Variants in TTLL11 observed in about 807,000 individuals in gnomAD.
TTLL11 encodes tubulin polyglutamylase TTLL11.
TTLL11 carries 42 observed loss-of-function variants against 51.7 expected under a neutral mutation model. That is an observed-to-expected ratio of 0.81 (90% CI 0.64 to 1.05). The LOEUF (loss-of-function observed/expected upper bound fraction) is 1.05, where lower values mean the gene tolerates loss of function less well. Among genes scored for constraint, TTLL11 ranks in the 50% least tolerant of loss-of-function variants. The probability of loss-of-function intolerance (pLI) is 0.00; values close to 1 mark genes in which losing one functional copy is unlikely to be tolerated. For synonymous variants in TTLL11, 381 were observed against 383.5 expected (o/e 0.99, Z 0.08); for missense variants, 799 against 940.4 (o/e 0.85, Z 1.97).
In TTLL11 at chr9:121,990,874, C is replaced by T. The variant is rs533866110; in HGVS notation, c.694-1104G>A. ...CAGGCACTTGACCAGTCCAGATAGTCGATCTGGACCTGTGGGTCTGCATAA... is the reference window on the plus strand; with the variant it reads ...CAGGCACTTGACCAGTCCAGATAGTTGATCTGGACCTGTGGGTCTGCATAA... On this transcript the variant is annotated intron_variant, in intron 3 of 8. Coordinates refer to ENST00000321582, the MANE Select transcript of TTLL11 (RefSeq NM_001139442.2). Among the ~76,000 whole-genome samples the T allele has an allele frequency of 4.6e-4, 70 of 152,272 alleles. 1 individual carries two copies. Among genetic ancestry groups the T allele is most frequent in the African/African-American group, 1.5e-3 (63 of 41,548 alleles).
In TTLL11 at chr9:121,860,392, G is replaced by A; in HGVS notation, c.1785C>T (p.Leu595=). ...SSLSMAAVDI[L]YIDITRRWNS... is the part of the protein sequence containing the mutation. ...TCCACCTCCGTGTGATGTCAATGTA[G>A]AGGATGTCCACGGCAGCCATGGACA... The change falls in exon 8 of 9, where the codon CTC becomes CTT. Residue 595 remains leucine (L), a synonymous_variant. Coordinates refer to ENST00000321582, the MANE Select transcript of TTLL11 (RefSeq NM_001139442.2). The A allele has an allele frequency of 6.4e-7, 1 of 1,551,538 alleles. No individual in the cohort carries two copies. Among genetic ancestry groups the A allele is most frequent in the Non-Finnish European group, 8.7e-7 (1 of 1,146,982 alleles).
chr9:122,006,997 A>C lies in TTLL11; in HGVS notation c.694-17227T>G, dbSNP rs529420145. ...ATACTCTGTCAAAAAAAAAAAAAAA[A>C]AAAAAAAAAAAACTTTTCCTTATTT... On this transcript the variant is annotated intron_variant, in intron 3 of 8. Coordinates refer to ENST00000321582, the MANE Select transcript of TTLL11 (RefSeq NM_001139442.2). Among the ~76,000 whole-genome samples, 161 of 145,794 alleles carry C rather than the reference A, an allele frequency of 1.1e-3. 2 individuals carry two copies. The highest frequency in any genetic ancestry group is 1.9e-3 in the African/African-American group (73 of 37,526).
chr9:121,843,893 C>T (rs1022848036), intron 8 of TTLL11, among the ~76,000 whole-genome samples: 5 of 152,090 alleles, frequency 3.3e-5, no homozygotes, highest in Admixed American at 2.0e-4. Context: ...AAGCTGATCT[C>T]GAACTCCTAA....
intron 1 of TTLL11, among the ~76,000 whole-genome samples, chr9:122,048,026 C>T (rs1248482331): frequency 1.3e-5 from 2 of 152,278 alleles, no homozygotes; most frequent in East Asian, 3.9e-4. Flanking sequence ...TCCTCTCCTT[C>T]CTGAATCCCC....
At chr9:121,837,897 G>A (rs1837224801) in intron 8 of TTLL11, among the ~76,000 whole-genome samples, 1 of 152,122 alleles carries the variant, frequency 6.6e-6, no homozygotes. Flanking sequence ...CTCCCTCCTG[G>A]AGACACGGTC....
At position 121,820,383 on chromosome 9, in the gene TTLL11, C is replaced by G. The variant is rs1029873769; in HGVS notation, c.*2204G>C. Reference sequence around the variant, plus strand: ...ACAAGTGTGCCCAGACATGCTTACTCTGGTCTTTCTCTGGGAAATCCATTT... The same window carrying G: ...ACAAGTGTGCCCAGACATGCTTACTGTGGTCTTTCTCTGGGAAATCCATTT... On this transcript the variant is annotated 3_prime_UTR_variant, in exon 9 of 9. Coordinates refer to ENST00000321582, the MANE Select transcript of TTLL11 (RefSeq NM_001139442.2). Among the ~76,000 whole-genome samples the G allele has an allele frequency of 4.6e-5, 7 of 152,164 alleles. No homozygotes were observed. The highest frequency in any genetic ancestry group is 8.8e-5 in the Non-Finnish European group (6 of 68,034).
chr9:121,965,853 G>A (rs1037949961), intron 6 of TTLL11, among the ~76,000 whole-genome samples: 1 of 152,174 alleles, frequency 6.6e-6, no homozygotes, highest in African/African-American at 2.4e-5. Flanking sequence ...TCTTCTCCAG[G>A]ATTGGACAAA....
At chr9:122,083,271 TA>T (rs1846044402) in intron 1 of TTLL11, among the ~76,000 whole-genome samples, 1 of 151,814 alleles carries the variant, frequency 6.6e-6, no homozygotes, top group African/African-American at 2.4e-5. Flanking sequence ...GTAGACGTTT[TA>T]AAAACCAGTG....
At chr9:121,934,389 G>A (rs1230544426) in intron 6 of TTLL11, among the ~76,000 whole-genome samples, 4 of 152,114 alleles carry the variant, frequency 2.6e-5, no homozygotes, top group Non-Finnish European at 4.4e-5. Flanking sequence ...TTCATTATAT[G>A]ACATCAGAAA....
At chr9:121,961,572 T>C (rs1383559187) in intron 6 of TTLL11, among the ~76,000 whole-genome samples, 3 of 152,168 alleles carry the variant, frequency 2.0e-5, no homozygotes, top group Non-Finnish European at 4.4e-5. Context: ...AGTACATCTC[T>C]ATTCCTGCTG....
chr9:121,889,804 GCAGGAGAATCACTTGAAAT>G (rs1839152558), intron 6 of TTLL11, among the ~76,000 whole-genome samples: 1 of 151,858 alleles, frequency 6.6e-6, no homozygotes. Context: ...GGCGGCTGAG[GCAGGAGAATCACTTGAAAT>G]CAGGAGGCGG....
Position 121,930,623 on chromosome 9 carries a change from G to T in TTLL11, c.1481+43386C>A, listed in dbSNP as rs536646713. On this transcript the variant is annotated intron_variant, in intron 6 of 8. Coordinates refer to ENST00000321582, the MANE Select transcript of TTLL11 (RefSeq NM_001139442.2). Reference sequence around the variant, plus strand: ...TCACCCGGGGCCAGCCAGCCAGCCGGCAGTGGCAGCGTCCTGGGCCAAGGA... The same window carrying T: ...TCACCCGGGGCCAGCCAGCCAGCCGTCAGTGGCAGCGTCCTGGGCCAAGGA... 2.0e-5 allele frequency among the ~76,000 whole-genome samples: 3 copies of T among 152,280 alleles called. No homozygotes were observed. The South Asian group carries it at 6.2e-4, about 32-fold the overall frequency.
At chr9:122,069,593 A>G (rs917964491) in intron 1 of TTLL11, among the ~76,000 whole-genome samples, 24 of 152,150 alleles carry the variant, frequency 1.6e-4, no homozygotes, top group Admixed American at 1.2e-3. Context: ...GAGGCGGGAG[A>G]ATCGCTTGAA....
At chr9:121,826,182 A>G (rs1836747720) in intron 8 of TTLL11, among the ~76,000 whole-genome samples, 2 of 49,812 alleles carry the variant, frequency 4.0e-5, no homozygotes, top group Non-Finnish European at 3.5e-5. Context: ...ATAACCAGTA[A>G]CCTATATATA....
chr9:122,084,383 G>A (rs74454562), intron 1 of TTLL11, among the ~76,000 whole-genome samples: 24 of 152,200 alleles, frequency 1.6e-4, no homozygotes, highest in South Asian at 8.3e-4. Flanking sequence ...AAACAAACAC[G>A]CATGCAAATG....
At chr9:122,038,160 GAT>G (rs139133853) in intron 2 of TTLL11, among the ~76,000 whole-genome samples, 5,998 of 152,178 alleles carry the variant, frequency 0.039, 379 homozygotes, top group African/African-American at 0.14. Flanking sequence ...TGTTAAATGA[GAT>G]ATGGGATTCA....
chr9:122,044,971 C>T (rs376211966), intron 1 of TTLL11, among the ~76,000 whole-genome samples: 4 of 151,834 alleles, frequency 2.6e-5, no homozygotes, highest in African/African-American at 9.7e-5. Flanking sequence ...AGCTGGGCAT[C>T]GTGGCATGCC....
Position 121,822,270 on chromosome 9 carries a change from T to C in TTLL11, c.*317A>G. 5.3e-6 allele frequency: 1 copy of C among 189,138 alleles called. No homozygotes were observed. The highest frequency in any genetic ancestry group is 1.1e-5 in the Non-Finnish European group (1 of 92,676). The allele number at this position is 189,138 out of a possible 1,614,324, so 11.7% of individuals were successfully genotyped here. On this transcript the variant is annotated 3_prime_UTR_variant, in exon 9 of 9. Transcript: ENST00000321582. This position sits in a 1 kb window ranked among gnomAD's most constrained non-coding sequence, Gnocchi z 5.8. ...GATCGATTGTGTCCTGTGCCCCAAA[T>C]ACAACAGATTTGCCCCAGTTGGTGC...
At chr9:122,091,147 T>C (rs1846250755) in intron 1 of TTLL11, among the ~76,000 whole-genome samples, 1 of 152,150 alleles carries the variant, frequency 6.6e-6, no homozygotes, top group Non-Finnish European at 1.5e-5. Flanking sequence ...GCAAACGAGA[T>C]CTGGCCTGCT....
Sources: allele counts gnomAD v4.1 joint callset (sites outside exome capture counted in the v4.1 genomes callset), GRCh38; gene constraint gnomAD v4.1.1; non-coding constraint Gnocchi (gnomAD v3.1); transcripts MANE v1.5; gene names NCBI Gene and HGNC (gene_info 2026-07-23, HGNC 2026-07-21).